Variants in DCAF6 observed in about 807,000 individuals in gnomAD.
DCAF6 encodes DDB1- and CUL4-associated factor 6.
In DCAF6, 54 loss-of-function variants were observed where a neutral mutation model predicts 125.1. The ratio of observed to expected loss-of-function variants is 0.43; its 90% CI spans 0.35 to 0.54. The LOEUF (loss-of-function observed/expected upper bound fraction) is 0.54, where lower values mean the gene tolerates loss of function less well. Ranked by LOEUF, DCAF6 falls within the 20% of genes least tolerant of loss-of-function variation. The pLI, the probability that DCAF6 is intolerant of heterozygous loss-of-function variation, is 0.01. For synonymous variants in DCAF6, 371 were observed against 390.4 expected (o/e 0.95, Z 0.58); for missense variants, 934 against 1,161.7 (o/e 0.80, Z 2.85).
At chr1:167,906,214 T>TAAAATGTATATAGTATACATTTA in the DCAF6 span, among the ~76,000 whole-genome samples, 1 of 152,122 alleles carries the variant, frequency 6.6e-6, no homozygotes, top group Non-Finnish European at 1.5e-5. Context: ...AGACAAACTT[T>TAAAATGTATATAGTATACATTTA]AAAATGTATA....
intron 7 of DCAF6, among the ~76,000 whole-genome samples, chr1:167,999,386 A>T (rs1682250953): frequency 6.6e-6 from 1 of 152,166 alleles, no homozygotes; most frequent in Non-Finnish European, 1.5e-5. Flanking sequence ...TCACCACTGC[A>T]TAAGCCCCTA....
In DCAF6 at chr1:167,952,592, A is replaced by T. The variant is rs1316278286; in HGVS notation, c.159+731A>T. 2.0e-5 allele frequency among the ~76,000 whole-genome samples: 3 copies of T among 152,042 alleles called. No homozygotes were observed. In the East Asian group the frequency reaches 5.8e-4, roughly 29 times the overall value. On this transcript the variant is annotated intron_variant, in intron 2 of 21. Coordinates refer to ENST00000367840, the MANE Select transcript of DCAF6 (RefSeq NM_001198956.2). ...CTCTCTTGGTTTTCTTCCTATTTCA[A>T]TCCATTGACTTGCTACATCTTCTCT...
chr1:168,052,173 C>T (rs559762198), intron 17 of DCAF6, among the ~76,000 whole-genome samples: 4 of 152,260 alleles, frequency 2.6e-5, no homozygotes, highest in South Asian at 4.1e-4. Flanking sequence ...CTTGAGCCAC[C>T]GCATCTGGCC....
At position 167,974,127 on chromosome 1, in the gene DCAF6, A is replaced by G. The variant is rs149701057; in HGVS notation, c.253-703A>G. On this transcript the variant is annotated intron_variant, in intron 3 of 21. Transcript: ENST00000367840. The stretch of plus-strand genomic sequence containing the variant: ...AATTTCAATTTGCATTTCCCTTATG[A>G]ATGATCCAAGTTGAGTATTTTTTAC... Among the ~76,000 whole-genome samples the G allele has an allele frequency of 9.2e-5, 14 of 152,174 alleles. No homozygotes were observed. In the East Asian group the frequency reaches 2.7e-3, roughly 29 times the overall value.
chr1:168,072,293 C>T (rs12142728), intron 21 of DCAF6, among the ~76,000 whole-genome samples: 50 of 28,614 alleles, frequency 1.7e-3, no homozygotes, highest in Non-Finnish European at 2.1e-3. Flanking sequence ...GAGAATCAGT[C>T]TAAAAAAAAA....
At chr1:167,907,064 A>T in the DCAF6 span, among the ~76,000 whole-genome samples, 1 of 152,256 alleles carries the variant, frequency 6.6e-6, no homozygotes, top group Non-Finnish European at 1.5e-5. Flanking sequence ...GTAGTGCTAA[A>T]GCACACAGTC....
chr1:167,887,398 A>G, the DCAF6 span, among the ~76,000 whole-genome samples: 1 of 152,232 alleles, frequency 6.6e-6, no homozygotes, highest in African/African-American at 2.4e-5. Flanking sequence ...CTTTGTAGGG[A>G]CATGGATGAA....
At chr1:167,976,344 C>T (rs554418790) in intron 4 of DCAF6, among the ~76,000 whole-genome samples, 2 of 152,256 alleles carry the variant, frequency 1.3e-5, no homozygotes, top group South Asian at 4.2e-4. Context: ...TGGTGCACGC[C>T]TGTAATACCA....
chr1:167,875,243 C>G, the DCAF6 span: 1 of 1,539,236 alleles, frequency 6.5e-7, no homozygotes, highest in Non-Finnish European at 9.0e-7. Flanking sequence ...ATATTGAGAG[C>G]AAGAGTGATT....
chr1:167,936,649 G>C (rs1160130922), upstream of DCAF6: 4 of 402,996 alleles, frequency 9.9e-6, no homozygotes, highest in Admixed American at 1.4e-4. Flanking sequence ...TCCTGTTGGA[G>C]GGGGGCTGAG....
the DCAF6 span, among the ~76,000 whole-genome samples, chr1:167,895,261 C>T: frequency 2.6e-5 from 4 of 151,548 alleles, no homozygotes; most frequent in Non-Finnish European, 4.4e-5. Context: ...ATAGAAGGTA[C>T]CATTAAGACC....
chr1:168,039,850 G>A (rs190885667), intron 13 of DCAF6, among the ~76,000 whole-genome samples: 20 of 151,324 alleles, frequency 1.3e-4, no homozygotes, highest in African/African-American at 4.1e-4. Flanking sequence ...GTTTATGTAT[G>A]TGTGTATTTT....
chr1:167,984,294 A>G (rs1231757226), intron 4 of DCAF6, among the ~76,000 whole-genome samples: 1 of 152,150 alleles, frequency 6.6e-6, no homozygotes, highest in Non-Finnish European at 1.5e-5. Context: ...CTTCTTGAGG[A>G]AGGTTAAATT....
At chr1:167,936,137 G>T, upstream of DCAF6, 1 of 408,948 alleles carries the variant, frequency 2.4e-6, no homozygotes. Flanking sequence ...ACCTCACCAA[G>T]TCTGCGCTGC....
intron 17 of DCAF6, chr1:168,055,849 C>CA: frequency 8.2e-7 from 1 of 1,221,840 alleles, no homozygotes; most frequent in Non-Finnish European, 1.2e-6. Flanking sequence ...TAATTTAAGA[C>CA]AACTCTGCTG....
intron 2 of DCAF6, 87 bp downstream of exon 2, chr1:167,951,948 G>A (rs1674012265): frequency 3.9e-6 from 3 of 773,004 alleles, no homozygotes; most frequent in Non-Finnish European, 6.4e-6. Flanking sequence ...TCCCAGAAAG[G>A]ATTGTGACTA....
At chr1:167,959,427 A>T (rs1320253646) in intron 2 of DCAF6, among the ~76,000 whole-genome samples, 1 of 152,224 alleles carries the variant, frequency 6.6e-6, no homozygotes, top group Non-Finnish European at 1.5e-5. Context: ...TTGGATAAAT[A>T]CCAAGGAGCA....
intron 11 of DCAF6, among the ~76,000 whole-genome samples, chr1:168,017,659 T>C (rs532491527): frequency 6.6e-6 from 1 of 152,140 alleles, no homozygotes; most frequent in East Asian, 1.9e-4. Flanking sequence ...TAGGTTTTAA[T>C]TGAGTAACAA....
chr1:168,058,730 G>A (rs1345584905), intron 17 of DCAF6, among the ~76,000 whole-genome samples: 2 of 151,948 alleles, frequency 1.3e-5, no homozygotes, highest in East Asian at 1.9e-4. Context: ...CACCACACCC[G>A]GCTAATTTTT....
Sources: gnomAD v4.1 joint callset for allele counts (sites outside exome capture counted in the v4.1 genomes callset) on GRCh38, gnomAD v4.1.1 for gene constraint, MANE v1.5 for transcripts, NCBI Gene and HGNC (gene_info 2026-07-23, HGNC 2026-07-21) for gene names.